Variants in COL5A1 observed in about 807,000 individuals in gnomAD.
COL5A1 encodes collagen type V alpha 1 chain.
COL5A1 carries 16 observed loss-of-function variants against 263.7 expected under a neutral mutation model. That is an observed-to-expected ratio of 0.06 (90% CI 0.04 to 0.09). The LOEUF (loss-of-function observed/expected upper bound fraction) is 0.09. Among genes scored for constraint, COL5A1 ranks in the 10% least tolerant of loss-of-function variants. The probability of loss-of-function intolerance (pLI) is 1.00; values close to 1 mark genes in which losing one functional copy is unlikely to be tolerated. For missense variants in COL5A1, 2,036 were observed against 2,540.5 expected (o/e 0.80, Z 4.27); for synonymous variants, 1,012 against 1,004.5 (o/e 1.01, Z -0.14).
intron 1 of COL5A1, among the ~76,000 whole-genome samples, chr9:134,689,453 G>A (rs1364864907): frequency 6.6e-6 from 1 of 152,172 alleles, no homozygotes; most frequent in Non-Finnish European, 1.5e-5. Flanking sequence ...ACTCCAATTG[G>A]CATTAGCATA....
At chr9:134,729,113 G>C (rs1157737070) in intron 6 of COL5A1, among the ~76,000 whole-genome samples, 1 of 152,220 alleles carries the variant, frequency 6.6e-6, no homozygotes, top group African/African-American at 2.4e-5. Context: ...GCAGGCCCAG[G>C]ATGAGTTTGG....
intron 5 of COL5A1, 98 bp downstream of exon 5, chr9:134,727,495 A>C (rs1834705279): frequency 1.4e-6 from 2 of 1,395,868 alleles, no homozygotes; most frequent in East Asian, 4.7e-5. Context: ...ATTTTAAATA[A>C]ATCCACTGGG....
chr9:134,674,684 G>A (rs185763785), intron 1 of COL5A1, among the ~76,000 whole-genome samples: 1 of 152,202 alleles, frequency 6.6e-6, no homozygotes, highest in Non-Finnish European at 1.5e-5. Flanking sequence ...TCAGGAGTTC[G>A]AGACCAGCCT....
At chr9:134,667,873 G>C (rs1441205800) in intron 1 of COL5A1, among the ~76,000 whole-genome samples, 1 of 152,228 alleles carries the variant, frequency 6.6e-6, no homozygotes. Flanking sequence ...TTTGTGTCTT[G>C]TTTCTATGCA....
At chr9:134,728,008 T>C (rs1198998382) in intron 5 of COL5A1, among the ~76,000 whole-genome samples, 1 of 152,218 alleles carries the variant, frequency 6.6e-6, no homozygotes, top group Non-Finnish European at 1.5e-5. Context: ...CTGGGCCCAC[T>C]GCCTCTCATT....
At chr9:134,760,918 C>G (rs953838642) in intron 18 of COL5A1, among the ~76,000 whole-genome samples, 9 of 149,790 alleles carry the variant, frequency 6.0e-5, no homozygotes, top group Non-Finnish European at 1.3e-4. Flanking sequence ...TGCACACACA[C>G]ACGTACACAC....
At position 134,806,275 on chromosome 9, in the gene COL5A1, G is replaced by A. The variant is rs764683617; in HGVS notation, c.3345G>A (p.Pro1115=). ...GRPGPQGPPG[P]AGEKGAPGEK... is the part of the protein sequence containing the mutation. ...CTGGGCCCCAGGGACCCCCAGGGCC[G>A]GCAGGAGAGAAAGGGGCTCCTGTAA... Residue 1115 remains proline, a synonymous_variant, in exon 42 of 66, where the codon CCG becomes CCA. Transcript: ENST00000371817. 1.5e-4 allele frequency: 230 copies of A among 1,549,074 alleles called. No individual in the cohort carries two copies. Among genetic ancestry groups the A allele is most frequent in the Non-Finnish European group, 1.9e-4 (213 of 1,146,622 alleles).
Position 134,686,543 on chromosome 9 carries a change from C to T in COL5A1, c.110-4369C>T, listed in dbSNP as rs916374119. On this transcript the variant is annotated intron_variant, in intron 1 of 65. Transcript: ENST00000371817. This position sits in a 1 kb window ranked among gnomAD's most constrained non-coding sequence, Gnocchi z 4.6. ...CTGGGATTCCAGTCCTGAGCCACCG[C>T]GCCTGGCCATCAAATTCTTTTCAGT... Among the ~76,000 whole-genome samples the T allele has an allele frequency of 6.6e-5, 10 of 152,202 alleles. No individual in the cohort carries two copies. Among genetic ancestry groups the T allele is most frequent in the African/African-American group, 1.2e-4 (5 of 41,452 alleles).
intron 1 of COL5A1, among the ~76,000 whole-genome samples, chr9:134,687,732 C>A (rs780179215): frequency 6.6e-6 from 1 of 152,170 alleles, no homozygotes; most frequent in Non-Finnish European, 1.5e-5. Context: ...CTGGGCTGCT[C>A]GGTGGGTCCT....
chr9:134,671,832 G>T (rs546881731), intron 1 of COL5A1, among the ~76,000 whole-genome samples: 1 of 152,220 alleles, frequency 6.6e-6, no homozygotes, highest in African/African-American at 2.4e-5. Flanking sequence ...TAATGAAACC[G>T]TAAAGGCAAG....
rs374195841 is a variant in COL5A1, at chr9:134,765,750, G to A, written c.2088+16G>A. On this transcript the variant is annotated intron_variant, in intron 21 of 65. Coordinates refer to ENST00000371817, the MANE Select transcript of COL5A1 (RefSeq NM_000093.5). This position sits in a 1 kb window ranked among gnomAD's most constrained non-coding sequence, Gnocchi z 5.1. The stretch of plus-strand genomic sequence containing the variant: ...CGGACCTCCCGTAAGTCCCATTACC[G>A]CCCTGCTTGTCTGCCCCCATCTCGG... 2.8e-5 allele frequency: 45 copies of A among 1,610,186 alleles called. No individual in the cohort carries two copies. Among genetic ancestry groups the A allele is most frequent in the African/African-American group, 2.0e-4 (15 of 74,938 alleles).
chr9:134,791,117 C>G (rs1047343257), intron 32 of COL5A1, among the ~76,000 whole-genome samples: 1 of 152,232 alleles, frequency 6.6e-6, no homozygotes, highest in Non-Finnish European at 1.5e-5. Context: ...CGGGACACAA[C>G]ACAAACCTGA....
At chr9:134,760,969 CAT>C (rs778844347) in intron 18 of COL5A1, among the ~76,000 whole-genome samples, 2 of 148,964 alleles carry the variant, frequency 1.3e-5, no homozygotes, top group East Asian at 4.0e-4. Flanking sequence ...CACATACACA[CAT>C]GTATACCACC....
chr9:134,807,176 T>G (rs1838324905), intron 42 of COL5A1, among the ~76,000 whole-genome samples: 1 of 152,248 alleles, frequency 6.6e-6, no homozygotes, highest in Non-Finnish European at 1.5e-5. Context: ...TAATCTCAAC[T>G]TCTCCTTCCC....
At chr9:134,817,580 C>T (rs923811318) in intron 53 of COL5A1, among the ~76,000 whole-genome samples, 198 bp from the exon 54 acceptor site, 1 of 152,144 alleles carries the variant, frequency 6.6e-6, no homozygotes, top group African/African-American at 2.4e-5. Flanking sequence ...ACCCGTGTCA[C>T]TGCGGGTGGC....
At chr9:134,688,428 C>G (rs1833152866) in intron 1 of COL5A1, among the ~76,000 whole-genome samples, 1 of 152,232 alleles carries the variant, frequency 6.6e-6, no homozygotes, top group South Asian at 2.1e-4. Context: ...CGCATCCTCT[C>G]TTTCCACGGG....
intron 11 of COL5A1, among the ~76,000 whole-genome samples, chr9:134,748,937 A>G (rs1835676128): frequency 6.6e-6 from 1 of 152,230 alleles, no homozygotes; most frequent in Non-Finnish European, 1.5e-5. Context: ...ATTTAGGGAC[A>G]GTATCATTAA....
At chr9:134,768,267 A>T in intron 24 of COL5A1, 143 bp from the exon 25 acceptor site, 1 of 806,794 alleles carries the variant, frequency 1.2e-6, no homozygotes, top group Admixed American at 1.7e-5. Flanking sequence ...CACGCCTCAC[A>T]GCCAGGGACC....
intron 4 of COL5A1, among the ~76,000 whole-genome samples, chr9:134,718,070 C>G (rs1834334198): frequency 1.3e-5 from 2 of 152,214 alleles, no homozygotes; most frequent in Admixed American, 1.3e-4. Flanking sequence ...CTCCATGGCT[C>G]CAGGCTTATG....
Sources: allele counts gnomAD v4.1 joint callset (sites outside exome capture counted in the v4.1 genomes callset), GRCh38; gene constraint gnomAD v4.1.1; non-coding constraint Gnocchi (gnomAD v3.1); transcripts MANE v1.5; gene names NCBI Gene and HGNC (gene_info 2026-07-23, HGNC 2026-07-21).